Variants in RARB observed in about 807,000 individuals in gnomAD.
The protein encoded by RARB is HBV-activated protein.
A neutral mutation model predicts 51.9 loss-of-function variants in RARB; 17 were observed. The observed-to-expected ratio is 0.33, with a 90% CI of 0.22 to 0.49. The LOEUF (loss-of-function observed/expected upper bound fraction) is 0.49, where lower values mean the gene tolerates loss of function less well. Ranked by LOEUF, RARB falls within the 20% of genes least tolerant of loss-of-function variation. The probability of loss-of-function intolerance (pLI) is 0.99; values close to 1 mark genes in which losing one functional copy is unlikely to be tolerated. For synonymous variants in RARB, 215 were observed against 195.4 expected, an observed-to-expected ratio of 1.10 and a Z score of -0.84; for missense variants, 369 against 550.8, an observed-to-expected ratio of 0.67 and a Z score of 3.30.
intron 5 of RARB, among the ~76,000 whole-genome samples, chr3:25,387,850 T>C (rs953429645): frequency 4.6e-5 from 7 of 151,886 alleles, no homozygotes; most frequent in Non-Finnish European, 8.8e-5. Context: ...CTCAGAAATA[T>C]CCCAGCTTTA....
intron 3 of RARB, among the ~76,000 whole-genome samples, chr3:25,527,753 T>C (rs935101540): frequency 6.6e-6 from 1 of 152,226 alleles, no homozygotes; most frequent in Non-Finnish European, 1.5e-5. Flanking sequence ...CTAAATGTGA[T>C]TATTTCTCCT....
intron 2 of RARB, among the ~76,000 whole-genome samples, chr3:24,911,987 A>T (rs1304362183): frequency 6.6e-6 from 1 of 152,206 alleles, no homozygotes; most frequent in African/African-American, 2.4e-5. Flanking sequence ...AAAGAAGTTC[A>T]AGTCTCCAGA....
intron 5 of RARB, among the ~76,000 whole-genome samples, chr3:25,333,355 G>A (rs1412462498): frequency 6.6e-6 from 1 of 152,008 alleles, no homozygotes; most frequent in Non-Finnish European, 1.5e-5. Flanking sequence ...AAGAACAGAG[G>A]CCTCAGAAAT....
At chr3:25,528,661 A>T (rs889875231) in intron 3 of RARB, among the ~76,000 whole-genome samples, 1 of 152,020 alleles carries the variant, frequency 6.6e-6, no homozygotes, top group African/African-American at 2.4e-5. Context: ...TGAGGGATGG[A>T]AGGGCCCATT....
At chr3:25,221,640 C>T (rs74615686) in intron 5 of RARB, among the ~76,000 whole-genome samples, 51 of 143,738 alleles carry the variant, frequency 3.5e-4, no homozygotes, top group African/African-American at 1.2e-3. Flanking sequence ...TATAATATAC[C>T]GTTTCTGGCA....
At chr3:25,316,557 G>A (rs1022852078) in intron 5 of RARB, among the ~76,000 whole-genome samples, 3 of 152,158 alleles carry the variant, frequency 2.0e-5, no homozygotes, top group African/African-American at 4.8e-5. Flanking sequence ...GGACGATACC[G>A]ATGCTGAAAG....
intron 2 of RARB, among the ~76,000 whole-genome samples, chr3:24,877,285 A>G (rs948303538): frequency 6.8e-6 from 1 of 148,004 alleles, no homozygotes; most frequent in African/African-American, 2.5e-5. Flanking sequence ...AAGTTCTTAT[A>G]TATTTGCATA....
intron 2 of RARB, among the ~76,000 whole-genome samples, chr3:25,045,470 A>G (rs61043032): frequency 0.22 from 32,964 of 152,076 alleles, 3,604 homozygotes; most frequent in South Asian, 0.25. Flanking sequence ...ATTCAAAGCC[A>G]GAGCTCCCTC....
chr3:25,496,359 T>A (rs1435243884), intron 2 of RARB, among the ~76,000 whole-genome samples: 1 of 152,164 alleles, frequency 6.6e-6, no homozygotes, highest in Non-Finnish European at 1.5e-5. Context: ...AACTGTACTG[T>A]CTTAGTTCCA....
At chr3:25,287,888 G>A (rs983283566) in intron 5 of RARB, among the ~76,000 whole-genome samples, 8 of 151,900 alleles carry the variant, frequency 5.3e-5, no homozygotes, top group East Asian at 1.9e-4. Context: ...AAAGTAGATC[G>A]ACTGTGATCT....
chr3:24,865,972 C>G (rs990801044), intron 2 of RARB, among the ~76,000 whole-genome samples: 3 of 152,114 alleles, frequency 2.0e-5, no homozygotes, highest in East Asian at 1.9e-4. Context: ...AAGTTGACCT[C>G]TTTCCCCCTA....
chr3:25,210,529 C>CTTTTTTTTTTTTTTTTTTTT (rs773846113), intron 5 of RARB, among the ~76,000 whole-genome samples: 10 of 27,626 alleles, frequency 3.6e-4, no homozygotes, highest in Admixed American at 5.8e-4. Context: ...TTATCTGATT[C>CTTTTTTTTTTTTTTTTTTTT]TTTTTTTTTT....
chr3:25,539,581 C>T (rs796707226), intron 3 of RARB, among the ~76,000 whole-genome samples: 107 of 103,736 alleles, frequency 1.0e-3, no homozygotes, highest in Admixed American at 2.3e-3. Flanking sequence ...CCCTTTATTT[C>T]TTTTTTTTTT....
chr3:25,310,195 G>A lies in RARB; in HGVS notation c.178+135620G>A, dbSNP rs370630844. ...ACGAGCAGCACTCATGATGGTGGCTGTTTTACTAGTCTGGGTCTCATAGTA... is the reference window on the plus strand; with the variant it reads ...ACGAGCAGCACTCATGATGGTGGCTATTTTACTAGTCTGGGTCTCATAGTA... On this transcript the variant is annotated intron_variant, in intron 5 of 11. Coordinates refer to the RARB transcript ENST00000383772. Among the ~76,000 whole-genome samples, 14 of 152,316 alleles carry A rather than the reference G, an allele frequency of 9.2e-5. 1 individual carries two copies. In the South Asian group the frequency reaches 2.9e-3, roughly 32 times the overall value.
intron 4 of RARB, among the ~76,000 whole-genome samples, chr3:25,154,982 G>C (rs147811251): frequency 2.8e-4 from 42 of 152,246 alleles, no homozygotes; most frequent in Middle Eastern, 3.4e-3. Context: ...CTAACACATA[G>C]CAAGTATTCA....
chr3:25,296,663 C>A (rs895970317), intron 5 of RARB, among the ~76,000 whole-genome samples: 1 of 152,170 alleles, frequency 6.6e-6, no homozygotes, highest in Non-Finnish European at 1.5e-5. Flanking sequence ...AACCCTCACT[C>A]TAACTGGGAG....
chr3:25,342,062 G>T (rs562678805), intron 5 of RARB, among the ~76,000 whole-genome samples: 1 of 152,248 alleles, frequency 6.6e-6, no homozygotes, highest in Admixed American at 6.5e-5. Flanking sequence ...ACACATAGTA[G>T]ATCCTCAATA....
At chr3:25,412,835 C>T (rs1417771787) in intron 5 of RARB, among the ~76,000 whole-genome samples, 4 of 152,162 alleles carry the variant, frequency 2.6e-5, no homozygotes, top group Admixed American at 2.6e-4. Flanking sequence ...GCCTGACCAA[C>T]ATGGAGCAAC....
At chr3:25,209,143 TG>T (rs1373758228) in intron 5 of RARB, among the ~76,000 whole-genome samples, 2 of 152,216 alleles carry the variant, frequency 1.3e-5, no homozygotes, top group African/African-American at 4.8e-5. Context: ...AGTCAAAACT[TG>T]GCTTTGCGTT....
Sources: gnomAD v4.1 joint callset for allele counts (sites outside exome capture counted in the v4.1 genomes callset) on GRCh38, gnomAD v4.1.1 for gene constraint, MANE v1.5 for transcripts, NCBI Gene and HGNC (gene_info 2026-07-23, HGNC 2026-07-21) for gene names.